LIN28B: variants seen among roughly 807,000 people sequenced by gnomAD.
LIN28B encodes the protein protein lin-28 homolog B.
A neutral mutation model predicts 21.9 loss-of-function variants in LIN28B; 5 were observed. The observed-to-expected ratio is 0.23, with a 90% CI of 0.12 to 0.48. The LOEUF (loss-of-function observed/expected upper bound fraction) is 0.48, where lower values mean the gene tolerates loss of function less well. Among genes scored for constraint, LIN28B ranks in the 20% least tolerant of loss-of-function variants. The pLI, the probability that LIN28B is intolerant of heterozygous loss-of-function variation, is 0.98. For missense variants in LIN28B, 245 were observed against 310.5 expected, an observed-to-expected ratio of 0.79 and a Z score of 1.58; for synonymous variants, 109 against 111.3, an observed-to-expected ratio of 0.98 and a Z score of 0.13.
chr6:105,053,167 T>C (rs1771943673), intron 3 of LIN28B, among the ~76,000 whole-genome samples: 1 of 152,254 alleles, frequency 6.6e-6, no homozygotes, highest in African/African-American at 2.4e-5. Context: ...TCTTATTTAT[T>C]TCTAACTTAA....
chr6:105,046,476 T>C (rs1771766215), intron 3 of LIN28B, among the ~76,000 whole-genome samples: 1 of 152,236 alleles, frequency 6.6e-6, no homozygotes, highest in African/African-American at 2.4e-5. Context: ...ACAGTAAACA[T>C]ACATATGCAT....
At chr6:104,948,699 C>G (rs1562559558) in intron 2 of LIN28B, among the ~76,000 whole-genome samples, 1 of 152,114 alleles carries the variant, frequency 6.6e-6, no homozygotes, top group Non-Finnish European at 1.5e-5. Flanking sequence ...ATGATAATAT[C>G]TACATTTAAA....
At chr6:105,016,121 C>T (rs1007676554) in intron 2 of LIN28B, among the ~76,000 whole-genome samples, 1 of 152,106 alleles carries the variant, frequency 6.6e-6, no homozygotes, top group Admixed American at 6.6e-5. Flanking sequence ...CTATTAAGTA[C>T]CTCTTATTTT....
upstream of LIN28B, among the ~76,000 whole-genome samples, chr6:104,952,208 T>G (rs923962335): frequency 6.6e-6 from 1 of 152,208 alleles, no homozygotes; most frequent in Non-Finnish European, 1.5e-5. Context: ...TTATTTAGTG[T>G]TTGCTCCACA....
intron 2 of LIN28B, among the ~76,000 whole-genome samples, chr6:104,988,658 G>T (rs1486136754): frequency 7.0e-6 from 1 of 142,784 alleles, no homozygotes; most frequent in African/African-American, 2.6e-5. Flanking sequence ...TGCAACCTCC[G>T]CCTCCCAGGT....
At chr6:105,021,217 G>A (rs983645517) in intron 2 of LIN28B, among the ~76,000 whole-genome samples, 3 of 151,664 alleles carry the variant, frequency 2.0e-5, no homozygotes, top group African/African-American at 7.3e-5. Flanking sequence ...TCTTTTTCAC[G>A]GTGGAATAAT....
intron 2 of LIN28B, among the ~76,000 whole-genome samples, chr6:104,982,339 T>C (rs1001371803): frequency 6.6e-6 from 1 of 151,948 alleles, no homozygotes; most frequent in Non-Finnish European, 1.5e-5. Flanking sequence ...AGGAATTAAT[T>C]ATTAATTTGA....
intron 2 of LIN28B, among the ~76,000 whole-genome samples, chr6:104,965,460 C>T (rs906310022): frequency 1.3e-5 from 2 of 152,184 alleles, no homozygotes; most frequent in Admixed American, 1.3e-4. Context: ...GAGACAGAGG[C>T]CACAATGAGC....
intron 3 of LIN28B, among the ~76,000 whole-genome samples, chr6:105,043,067 A>G (rs1045469005): frequency 1.3e-5 from 2 of 152,200 alleles, no homozygotes; most frequent in Non-Finnish European, 2.9e-5. Flanking sequence ...CATTTGCCAA[A>G]GGAACAAAAA....
chr6:105,023,977 T>G (rs1176196826), intron 2 of LIN28B, among the ~76,000 whole-genome samples: 1 of 151,636 alleles, frequency 6.6e-6, no homozygotes, highest in African/African-American at 2.4e-5. Context: ...GAGTTTTGTT[T>G]GTTTGTTTGG....
intron 3 of LIN28B, among the ~76,000 whole-genome samples, chr6:105,037,931 G>A (rs1771558179): frequency 6.6e-6 from 1 of 151,986 alleles, no homozygotes; most frequent in South Asian, 2.1e-4. Flanking sequence ...TTGTCTATCT[G>A]TAGAGAAAGA....
intron 2 of LIN28B, among the ~76,000 whole-genome samples, chr6:104,978,810 G>T (rs955864662): frequency 6.6e-6 from 1 of 152,032 alleles, no homozygotes; most frequent in African/African-American, 2.4e-5. Flanking sequence ...AAAACCCTGG[G>T]TTATTTTATT....
chr6:104,945,023 G>T (rs1412058568), intron 2 of LIN28B, among the ~76,000 whole-genome samples: 1 of 152,096 alleles, frequency 6.6e-6, no homozygotes, highest in Non-Finnish European at 1.5e-5. Context: ...ACTTGGAAAG[G>T]CAAGAGCCGA....
intron 2 of LIN28B, among the ~76,000 whole-genome samples, chr6:105,012,024 G>A (rs1352862092): frequency 6.6e-6 from 1 of 151,940 alleles, no homozygotes; most frequent in African/African-American, 2.4e-5. Flanking sequence ...TGGGTGTGGT[G>A]GCAGGCACCT....
In LIN28B at chr6:105,081,086, G is replaced by C. The variant is rs1383481437; in HGVS notation, c.*2303G>C. On this transcript the variant is annotated 3_prime_UTR_variant, in exon 4 of 4. Transcript: ENST00000345080. The stretch of plus-strand genomic sequence containing the variant: ...AAGTTGGGGTTTATTTTTTATATGA[G>C]AATATTATCACTATTACATAACATA... 6.6e-6 allele frequency: 1 copy of C among 152,536 alleles called. No individual in the cohort carries two copies. The highest frequency in any genetic ancestry group is 1.5e-5 in the Non-Finnish European group (1 of 68,024). 9.4% of individuals were successfully genotyped at this position (152,536 alleles called of 1,614,324 possible).
intron 2 of LIN28B, among the ~76,000 whole-genome samples, chr6:104,967,836 G>T (rs1479163804): frequency 6.6e-6 from 1 of 151,928 alleles, no homozygotes; most frequent in African/African-American, 2.4e-5. Flanking sequence ...GCACCACCAT[G>T]CCTGGCACAT....
chr6:104,968,680 T>C (rs1016829824), intron 2 of LIN28B, among the ~76,000 whole-genome samples: 1 of 152,220 alleles, frequency 6.6e-6, no homozygotes, highest in Admixed American at 6.5e-5. Flanking sequence ...CCAAGATTTG[T>C]TGGTGATCAT....
intron 3 of LIN28B, among the ~76,000 whole-genome samples, chr6:105,075,338 A>C (rs1370302716): frequency 6.6e-6 from 1 of 152,206 alleles, no homozygotes; most frequent in African/African-American, 2.4e-5. Flanking sequence ...TGGAGTATAT[A>C]GTTGTGGTAT....
rs530165996 is a variant in LIN28B, at chr6:104,983,654, G to A, written c.198+25368G>A. Among the ~76,000 whole-genome samples the A allele has an allele frequency of 5.3e-5, 8 of 152,278 alleles. No homozygotes were observed. The East Asian group carries it at 1.5e-3, about 29-fold the overall frequency. ...TGCAATGGTGCTATCTCGGCTCGCTGCAACCTCCACCTCCCAGTTTCAAGT... is the reference window on the plus strand; with the variant it reads ...TGCAATGGTGCTATCTCGGCTCGCTACAACCTCCACCTCCCAGTTTCAAGT... On this transcript the variant is annotated intron_variant, in intron 2 of 3. Transcript: ENST00000345080.
Sources: gnomAD v4.1 joint callset for allele counts (sites outside exome capture counted in the v4.1 genomes callset) on GRCh38, gnomAD v4.1.1 for gene constraint, MANE v1.5 for transcripts, NCBI Gene and HGNC (gene_info 2026-07-23, HGNC 2026-07-21) for gene names.